Variants in HMGCS1 observed in about 807,000 individuals in gnomAD.
HMGCS1 encodes the protein hydroxymethylglutaryl-CoA synthase, cytoplasmic.
A neutral mutation model predicts 52.3 loss-of-function variants in HMGCS1; 9 were observed. The observed-to-expected ratio is 0.17, with a 90% CI of 0.10 to 0.30. The LOEUF (loss-of-function observed/expected upper bound fraction) is 0.30, where lower values mean the gene tolerates loss of function less well. Ranked by LOEUF, HMGCS1 falls within the 10% of genes least tolerant of loss-of-function variation. The pLI is 1.00. For missense variants in HMGCS1, 320 were observed against 620.9 expected (o/e 0.52, Z 5.15); for synonymous variants, 176 against 214.4 (o/e 0.82, Z 1.57).
Position 43,297,143 on chromosome 5 carries a change from G to GTT in HMGCS1, c.596_597dup (p.His200AsnfsTer17). On this transcript the variant is annotated frameshift_variant, in exon 5 of 11. Coordinates refer to ENST00000325110, the MANE Select transcript of HMGCS1 (RefSeq NM_001098272.3). LOFTEE classifies it high-confidence loss of function. ...TCAGGCTTGTAAAAATCATAGGCATGTTGCATATGTGTCCCACGAAGCCCT... is the reference window on the plus strand; with the variant it reads ...TCAGGCTTGTAAAAATCATAGGCATGTTTTGCATATGTGTCCCACGAAGCCCT... 1 of 1,612,718 alleles carries GTT rather than the reference G, an allele frequency of 6.2e-7. No homozygotes were observed.
chr5:43,294,249 A>G, intron 7 of HMGCS1, 87 bp from the exon 8 acceptor site: 1 of 785,992 alleles, frequency 1.3e-6, no homozygotes, highest in Non-Finnish European at 2.2e-6. Flanking sequence ...ATAAAAATTT[A>G]GGCTATAAGT....
In HMGCS1 at chr5:43,288,392, AATT is replaced by A. The variant is rs1753588616; in HGVS notation, c.*2736_*2738del. The A allele has an allele frequency of 6.6e-6, 1 of 152,176 alleles. No homozygotes were observed. Among genetic ancestry groups the A allele is most frequent in the African/African-American group, 2.4e-5 (1 of 41,438 alleles). The allele number at this position is 152,176 out of a possible 1,614,324, so 9.4% of individuals were successfully genotyped here. ...TTTATGTCAAGATCAGACAACTTTAAATTATTTAAAGATCCTGTTACCCTTGCT... is the reference window on the plus strand; with the variant it reads ...TTTATGTCAAGATCAGACAACTTTAAATTTAAAGATCCTGTTACCCTTGCT... On this transcript the variant is annotated 3_prime_UTR_variant, in exon 11 of 11. Coordinates refer to ENST00000325110, the MANE Select transcript of HMGCS1 (RefSeq NM_001098272.3).
At position 43,291,109 on chromosome 5, in the gene HMGCS1, G is replaced by T; in HGVS notation, c.*22C>A. 1 of 592,180 alleles carries T rather than the reference G, an allele frequency of 1.7e-6. No homozygotes were observed. Among genetic ancestry groups the T allele is most frequent in the Non-Finnish European group, 3.1e-6 (1 of 327,704 alleles). The allele number at this position is 592,180 out of a possible 1,614,324, so 36.7% of individuals were successfully genotyped here. On this transcript the variant is annotated 3_prime_UTR_variant, in exon 11 of 11. Transcript: ENST00000325110. ...CACCCCATGCCCACCCCACCCTGAAGTCTTGCACCTCACAGAGTATCTTAA... is the reference window on the plus strand; with the variant it reads ...CACCCCATGCCCACCCCACCCTGAATTCTTGCACCTCACAGAGTATCTTAA...
chr5:43,305,581 C>A (rs1236363584), intron 2 of HMGCS1, among the ~76,000 whole-genome samples: 1 of 151,698 alleles, frequency 6.6e-6, no homozygotes, highest in Admixed American at 6.6e-5. Flanking sequence ...ACCAGCCTGG[C>A]CAAAATGGTG....
rs1312802037 is a variant in HMGCS1, at chr5:43,290,234, A to T, written c.*897T>A. 1.3e-5 allele frequency: 2 copies of T among 152,624 alleles called. No homozygotes were observed. The highest frequency in any genetic ancestry group is 2.9e-5 in the Non-Finnish European group (2 of 68,030). The allele number at this position is 152,624 out of a possible 1,614,324, so 9.5% of individuals were successfully genotyped here. ...CCCCTATTCTTCCCTTCCATTTTAA[A>T]TTTTTAAAAAAGTAACCAGAAAAAT... On this transcript the variant is annotated 3_prime_UTR_variant, in exon 11 of 11. Coordinates refer to ENST00000325110, the MANE Select transcript of HMGCS1 (RefSeq NM_001098272.3).
rs1754132862 is a variant in HMGCS1, at chr5:43,298,295, G to C, written c.449-161C>G. 1 of 714,088 alleles carries C rather than the reference G, an allele frequency of 1.4e-6. No homozygotes were observed. The highest frequency in any genetic ancestry group is 1.8e-5 in the African/African-American group (1 of 55,532). The allele number at this position is 714,088 out of a possible 1,614,324, so 44.2% of individuals were successfully genotyped here. A position where few individuals can be genotyped will look rare whatever the true frequency, so the allele number is the denominator to read the frequency against. Reference sequence around the variant, plus strand: ...TTTAAAATTCATCTGCCAAGGCTCTGTCATCCATCTGACTAAATTTTGAAT... The same window carrying C: ...TTTAAAATTCATCTGCCAAGGCTCTCTCATCCATCTGACTAAATTTTGAAT... On this transcript the variant is annotated intron_variant, in intron 3 of 10. Coordinates refer to ENST00000325110, the MANE Select transcript of HMGCS1 (RefSeq NM_001098272.3). The surrounding 1 kb of genome is among the most constrained non-coding windows in gnomAD (Gnocchi z 5.6).
chr5:43,288,735 A>C lies in HMGCS1; in HGVS notation c.*2396T>G, dbSNP rs1753604851. 6.6e-6 allele frequency: 1 copy of C among 152,198 alleles called. No homozygotes were observed. Among genetic ancestry groups the C allele is most frequent in the Non-Finnish European group, 1.5e-5 (1 of 68,034 alleles). The allele number at this position is 152,198 out of a possible 1,614,324, so 9.4% of individuals were successfully genotyped here. On this transcript the variant is annotated 3_prime_UTR_variant, in exon 11 of 11. Transcript: ENST00000325110. ...GAACGCTAGCCTCTAAATGACCCAG[A>C]AAGTAAATTATGACTAAGTATGAAA...
chr5:43,308,599 T>C (rs1754694804), intron 1 of HMGCS1, among the ~76,000 whole-genome samples: 1 of 152,198 alleles, frequency 6.6e-6, no homozygotes, highest in African/African-American at 2.4e-5. Flanking sequence ...GTAAATTAAG[T>C]AGAAATAATT....
At chr5:43,305,383 A>G (rs1423940282) in intron 2 of HMGCS1, among the ~76,000 whole-genome samples, 2 of 152,188 alleles carry the variant, frequency 1.3e-5, no homozygotes, top group African/African-American at 2.4e-5. Flanking sequence ...TAAATTAGGG[A>G]AAAAAAGACT....
In HMGCS1 at chr5:43,291,079, A is replaced by ACCCCCCC; in HGVS notation, c.*51_*52insGGGGGGG. The ACCCCCCC allele has an allele frequency of 1.9e-5, 15 of 780,088 alleles. No individual in the cohort carries two copies. The highest frequency in any genetic ancestry group is 2.6e-5 in the East Asian group (1 of 38,716). 48.3% of individuals were successfully genotyped at this position (780,088 alleles called of 1,614,324 possible). On this transcript the variant is annotated 3_prime_UTR_variant, in exon 11 of 11. Coordinates refer to ENST00000325110, the MANE Select transcript of HMGCS1 (RefSeq NM_001098272.3). Reference sequence around the variant, plus strand: ...ATCCCATTCCTCCAACTGTTCCCATACCCCCACCCCATGCCCACCCCACCC... The same window carrying ACCCCCCC: ...ATCCCATTCCTCCAACTGTTCCCATACCCCCCCCCCCCACCCCATGCCCACCCCACCC...
rs143540263 is a variant in HMGCS1 at position 43,309,200 on chromosome 5, A to G, written c.-69-1376T>C. 9.8e-4 allele frequency among the ~76,000 whole-genome samples: 148 copies of G among 150,902 alleles called. 1 individual carries two copies. Among genetic ancestry groups the G allele is most frequent in the African/African-American group, 3.4e-3 (141 of 40,998 alleles). ...CAAGGAAATTTTCCTTGAACTGCCT[A>G]TATTCTGCCTTTCCTTGCACTGCCT... On this transcript the variant is annotated intron_variant, in intron 1 of 10. Coordinates refer to ENST00000325110, the MANE Select transcript of HMGCS1 (RefSeq NM_001098272.3).
At chr5:43,292,676 T>TATAC in intron 9 of HMGCS1, 39 bp from the exon 10 acceptor site, 3 of 1,566,010 alleles carry the variant, frequency 1.9e-6, no homozygotes, top group Non-Finnish European at 2.6e-6. Context: ...TTAGTTATGA[T>TATAC]ATACAATTCA....
chr5:43,297,019 T>A lies in HMGCS1; in HGVS notation c.722A>T (p.His241Leu). The A allele has an allele frequency of 6.2e-7, 1 of 1,613,764 alleles. No individual in the cohort carries two copies. Among genetic ancestry groups the A allele is most frequent in the Non-Finnish European group, 8.5e-7 (1 of 1,179,832 alleles). The change falls in exon 5 of 11, where the codon CAT becomes CTT. Residue 241 changes from histidine to leucine, a missense_variant. Physicochemically the swap from His to Leu is moderately conservative, Grantham distance 99. Transcript: ENST00000325110. ...RCYSVYCKKI[H>L]AQWQKEGNDK... ...AAACTTACCTTTCTGCCACTGGGCATGGATCTTTTTGCAGTAGACAGAATA... is the reference window on the plus strand; with the variant it reads ...AAACTTACCTTTCTGCCACTGGGCAAGGATCTTTTTGCAGTAGACAGAATA...
chr5:43,289,887 T>C lies in HMGCS1; in HGVS notation c.*1244A>G, dbSNP rs1468344145. On this transcript the variant is annotated 3_prime_UTR_variant, in exon 11 of 11. Transcript: ENST00000325110. The stretch of plus-strand genomic sequence containing the variant: ...ACATTAGTTCCAACTATCCCTATTT[T>C]ACAATCTATAAGGCTCATGTCATAG... The C allele has an allele frequency of 6.6e-6, 1 of 152,596 alleles. No individual in the cohort carries two copies. Among genetic ancestry groups the C allele is most frequent in the Non-Finnish European group, 1.5e-5 (1 of 68,028 alleles). The allele number at this position is 152,596 out of a possible 1,614,324, so 9.5% of individuals were successfully genotyped here. A position where few individuals can be genotyped will look rare whatever the true frequency, so the allele number is the denominator to read the frequency against.
Position 43,297,185 on chromosome 5 carries a change from A to G in HMGCS1, c.575-19T>C, listed in dbSNP as rs1754073286. ...CGAAGCCCTATTAGAACCAAAAAGG[A>G]AGATGTCTATATATTTCTGCTTCTT... On this transcript the variant is annotated intron_variant, in intron 4 of 10. Transcript: ENST00000325110. 2 of 1,601,640 alleles carry G rather than the reference A, an allele frequency of 1.2e-6. No homozygotes were observed. Among genetic ancestry groups the G allele is most frequent in the Non-Finnish European group, 1.7e-6 (2 of 1,172,646 alleles).
At chr5:43,305,799 AAT>A (rs1754542106) in intron 2 of HMGCS1, among the ~76,000 whole-genome samples, 1 of 150,832 alleles carries the variant, frequency 6.6e-6, no homozygotes. Context: ...AAAAAAAAAA[AAT>A]TTAAAAAATT....
At chr5:43,311,251 C>T (rs1657403692) in intron 1 of HMGCS1, among the ~76,000 whole-genome samples, 3 of 143,808 alleles carry the variant, frequency 2.1e-5, no homozygotes, top group Non-Finnish European at 3.0e-5. Context: ...CACTGGGAGG[C>T]ATAAGTTGCA....
rs1170504965 is a variant in HMGCS1, at chr5:43,291,210, C to G, written c.1484G>C (p.Ser495Thr). 1.9e-6 allele frequency: 3 copies of G among 1,606,426 alleles called. No individual in the cohort carries two copies. The highest frequency in any genetic ancestry group is 1.7e-5 in the Admixed American group (1 of 59,782). ...GAGTCTTGGTACTTTCTTGGCAGGG[C>G]TTGGAATATGCTAAAATGAAAGGAA... The part of the protein sequence containing the change: ...HSNIATEHIP[S>T]PAKKVPRLPA... The change falls in exon 11 of 11, where the codon AGC (serine) becomes ACC (threonine). Residue 495 changes from serine (S) to threonine (T), a missense_variant. Physicochemically the swap from Ser to Thr is moderately conservative, Grantham distance 58 (BLOSUM62 1). Coordinates refer to ENST00000325110, the MANE Select transcript of HMGCS1 (RefSeq NM_001098272.3).
intron 2 of HMGCS1, among the ~76,000 whole-genome samples, chr5:43,307,061 C>A (rs1754612381): frequency 6.8e-6 from 1 of 146,490 alleles, no homozygotes; most frequent in Non-Finnish European, 1.5e-5. Context: ...TGTCCATTCT[C>A]ACATAATTTT....
Sources: allele counts gnomAD v4.1 joint callset (sites outside exome capture counted in the v4.1 genomes callset), GRCh38; gene constraint gnomAD v4.1.1; non-coding constraint Gnocchi (gnomAD v3.1); transcripts MANE v1.5; gene names NCBI Gene and HGNC (gene_info 2026-07-23, HGNC 2026-07-21).